PDZD2: variants seen among roughly 807,000 people sequenced by gnomAD.
PDZD2 encodes PDZ domain containing 2, also known as PDZ domain-containing protein 2.
PDZD2 carries 90 observed loss-of-function variants against 220.7 expected under a neutral mutation model. The ratio of observed to expected loss-of-function variants is 0.41; its 90% CI spans 0.34 to 0.49. PDZD2 has a LOEUF of 0.49. Ranked by LOEUF, PDZD2 falls within the 20% of genes least tolerant of loss-of-function variation. PDZD2 has a pLI of 0.28. For synonymous variants in PDZD2, 1,375 were observed against 1,450.5 expected (o/e 0.95, Z 1.18); for missense variants, 3,174 against 3,608.5 (o/e 0.88, Z 3.08).
chr5:31,730,603 G>A (rs889883540), intron 1 of PDZD2, among the ~76,000 whole-genome samples: 2 of 151,292 alleles, frequency 1.3e-5, no homozygotes, highest in African/African-American at 2.4e-5. Context: ...GTGTGTGTGT[G>A]TGTGTGTAAG....
chr5:31,818,926 T>C (rs1460445957), intron 2 of PDZD2, among the ~76,000 whole-genome samples: 3 of 152,186 alleles, frequency 2.0e-5, no homozygotes, highest in Non-Finnish European at 2.9e-5. Context: ...TCATTTGCAA[T>C]ATATATATTT....
intron 1 of PDZD2, among the ~76,000 whole-genome samples, chr5:31,779,505 C>T (rs1209713593): frequency 1.3e-5 from 2 of 150,152 alleles, no homozygotes; most frequent in Non-Finnish European, 2.9e-5. Context: ...TCCCGAGTAG[C>T]TGGGACTACA....
intron 19 of PDZD2, among the ~76,000 whole-genome samples, chr5:32,085,823 T>G (rs1338024405): frequency 6.6e-6 from 1 of 151,902 alleles, no homozygotes; most frequent in African/African-American, 2.4e-5. Flanking sequence ...CTATTCAGAG[T>G]CCTTTGTGGT....
chr5:31,839,582 C>G (rs987266489), intron 2 of PDZD2, among the ~76,000 whole-genome samples: 2 of 152,056 alleles, frequency 1.3e-5, no homozygotes, highest in African/African-American at 4.8e-5. Flanking sequence ...ACATGGTGGC[C>G]CACGACTGTA....
intron 2 of PDZD2, among the ~76,000 whole-genome samples, chr5:31,969,130 C>T (rs1749031524): frequency 6.6e-6 from 1 of 151,986 alleles, no homozygotes; most frequent in Non-Finnish European, 1.5e-5. Context: ...GTGTGAGATG[C>T]TAGCGGGACT....
At chr5:31,749,776 A>G (rs1284212298) in intron 1 of PDZD2, among the ~76,000 whole-genome samples, 1 of 151,866 alleles carries the variant, frequency 6.6e-6, no homozygotes, top group Non-Finnish European at 1.5e-5. Context: ...GCACTCCATT[A>G]TGCTCTCCCC....
intron 2 of PDZD2, among the ~76,000 whole-genome samples, chr5:31,852,310 T>TTGCTGTGTCGCCCAGGCTGGAG (rs1157976643): frequency 1.3e-5 from 2 of 152,164 alleles, no homozygotes; most frequent in African/African-American, 4.8e-5. Flanking sequence ...AGACTGAGCA[T>TTGCTGTGTCGCCCAGGCTGGAG]TGCTGTGTCG....
At chr5:31,658,810 G>A (rs1203009765) in intron 1 of PDZD2, among the ~76,000 whole-genome samples, 2 of 151,954 alleles carry the variant, frequency 1.3e-5, no homozygotes, top group South Asian at 2.1e-4. Flanking sequence ...TAGTAGAGAC[G>A]GGGTTTCACC....
chr5:31,750,421 C>T (rs1750882941), intron 1 of PDZD2, among the ~76,000 whole-genome samples: 1 of 152,156 alleles, frequency 6.6e-6, no homozygotes, highest in South Asian at 2.1e-4. Flanking sequence ...ATGTACCGAA[C>T]GCTCACCAGA....
At chr5:32,066,084 T>C (rs140435363) in intron 14 of PDZD2, among the ~76,000 whole-genome samples, 2 of 152,006 alleles carry the variant, frequency 1.3e-5, no homozygotes, top group East Asian at 3.9e-4. Flanking sequence ...AGCTCACATG[T>C]GTAATCCGAG....
At chr5:31,711,148 G>GACCCA (rs1748082952) in intron 1 of PDZD2, among the ~76,000 whole-genome samples, 2 of 152,164 alleles carry the variant, frequency 1.3e-5, no homozygotes, top group African/African-American at 4.8e-5. Context: ...GTCCACGCCA[G>GACCCA]ATGTTCATCA....
chr5:31,769,072 C>T (rs945865569), intron 1 of PDZD2, among the ~76,000 whole-genome samples: 3 of 152,110 alleles, frequency 2.0e-5, no homozygotes, highest in East Asian at 1.9e-4. Flanking sequence ...GCAGGGGAGA[C>T]GATGCTCAGG....
rs140856607 is a variant in PDZD2, at chr5:31,857,131, G to A, written c.476+57407G>A. ...CTCCCAAAGTGCTGGGATCATAGGC[G>A]TGAGTCACCACACTCAGCCTCAACT... On this transcript the variant is annotated intron_variant, in intron 2 of 24. Coordinates refer to ENST00000438447, the MANE Select transcript of PDZD2 (RefSeq NM_178140.4). Among the ~76,000 whole-genome samples the A allele has an allele frequency of 4.3e-3, 648 of 152,058 alleles. 6 individuals are homozygous for A. The highest frequency in any genetic ancestry group is 6.8e-3 in the Non-Finnish European group (465 of 67,980).
At chr5:32,058,601 G>A (rs1016855143) in intron 12 of PDZD2, among the ~76,000 whole-genome samples, 2 of 151,140 alleles carry the variant, frequency 1.3e-5, no homozygotes, top group Non-Finnish European at 2.9e-5. Context: ...TCGAACCCGG[G>A]AGGCAGAGGT....
At chr5:31,651,039 A>G (rs16899783) in intron 1 of PDZD2, among the ~76,000 whole-genome samples, 13,240 of 152,224 alleles carry the variant, frequency 0.087, 738 homozygotes, top group African/African-American at 0.15. Context: ...GACTAGGGAG[A>G]ATGAGAAATC....
chr5:31,890,755 A>C (rs1034802769), intron 2 of PDZD2, among the ~76,000 whole-genome samples: 4 of 152,168 alleles, frequency 2.6e-5, no homozygotes, highest in Non-Finnish European at 4.4e-5. Context: ...CCCTAAATCC[A>C]AGGAGGAGTT....
At chr5:32,027,151 G>A (rs972933995) in intron 6 of PDZD2, among the ~76,000 whole-genome samples, 3 of 152,072 alleles carry the variant, frequency 2.0e-5, no homozygotes, top group Non-Finnish European at 2.9e-5. Context: ...TGCTCCACCC[G>A]CCTCGGCCTC....
chr5:31,675,842 T>C (rs926752355), intron 1 of PDZD2, among the ~76,000 whole-genome samples: 1 of 152,116 alleles, frequency 6.6e-6, no homozygotes, highest in African/African-American at 2.4e-5. Context: ...GATGGGACTA[T>C]GGGCACGCAC....
At chr5:31,914,858 A>G (rs979568044) in intron 2 of PDZD2, among the ~76,000 whole-genome samples, 4 of 152,224 alleles carry the variant, frequency 2.6e-5, no homozygotes, top group African/African-American at 9.6e-5. Context: ...CAGGCTTAGC[A>G]GCCGCAGTAA....
Sources: allele counts gnomAD v4.1 joint callset (sites outside exome capture counted in the v4.1 genomes callset), GRCh38; gene constraint gnomAD v4.1.1; transcripts MANE v1.5; gene names NCBI Gene and HGNC (gene_info 2026-07-23, HGNC 2026-07-21).